The following AGO2 variants were observed in gnomAD, a reference collection of about 807,000 sequenced individuals.
AGO2 encodes argonaute RISC catalytic component 2, also known as protein argonaute-2.
Under a neutral mutation model 102.3 loss-of-function variants are expected in AGO2, and 5 were observed. The ratio of observed to expected loss-of-function variants is 0.05; its 90% CI spans 0.03 to 0.10. The LOEUF (loss-of-function observed/expected upper bound fraction) is 0.10. AGO2 is among the 10% of genes least tolerant of loss of function. AGO2 has a pLI of 1.00. For missense variants in AGO2, 541 were observed against 1,183.7 expected (o/e 0.46, Z 7.97); for synonymous variants, 449 against 473.1 (o/e 0.95, Z 0.66).
chr8:140,558,326 G>A (rs529638125), intron 7 of AGO2, among the ~76,000 whole-genome samples, 159 bp downstream of exon 7: 4 of 152,350 alleles, frequency 2.6e-5, no homozygotes, highest in Admixed American at 6.5e-5. Context: ...GGTGAAGTCT[G>A]GAATCTACTG....
intron 2 of AGO2, among the ~76,000 whole-genome samples, chr8:140,580,343 G>A (rs1004972565): frequency 6.6e-6 from 1 of 152,248 alleles, no homozygotes; most frequent in Non-Finnish European, 1.5e-5. Flanking sequence ...TCATGGCCTT[G>A]GATAAAGCCT....
At chr8:140,578,561 C>G (rs11997913) in intron 2 of AGO2, among the ~76,000 whole-genome samples, 43,103 of 152,224 alleles carry the variant, frequency 0.28, 6,422 homozygotes, top group Non-Finnish European at 0.33. Context: ...CCTGCTTCTG[C>G]AGAGCCAGCT....
chr8:140,626,396 G>A (rs1322580760), intron 1 of AGO2: 1 of 152,198 alleles, frequency 6.6e-6, no homozygotes, highest in Non-Finnish European at 1.5e-5. Context: ...GGATCAAAGG[G>A]AGGAGGAACG....
chr8:140,593,566 A>C (rs1224860979), intron 1 of AGO2, among the ~76,000 whole-genome samples: 2 of 152,108 alleles, frequency 1.3e-5, no homozygotes, highest in South Asian at 2.1e-4. Flanking sequence ...AAAAAAAAAA[A>C]AAAAACTTTG....
chr8:140,600,134 C>T (rs916797996), intron 1 of AGO2, among the ~76,000 whole-genome samples: 20 of 152,242 alleles, frequency 1.3e-4, no homozygotes, highest in African/African-American at 4.3e-4. Flanking sequence ...AAGAATCCAG[C>T]CAGCTTGCTG....
intron 6 of AGO2, among the ~76,000 whole-genome samples, chr8:140,558,984 C>A (rs555421714): frequency 5.0e-4 from 76 of 152,030 alleles, no homozygotes; most frequent in Non-Finnish European, 8.1e-4. Flanking sequence ...AGTCCTAGAC[C>A]CCCCCCAATC....
chr8:140,580,640 G>T (rs1230182252), intron 2 of AGO2, among the ~76,000 whole-genome samples: 4 of 152,222 alleles, frequency 2.6e-5, no homozygotes, highest in Non-Finnish European at 5.9e-5. Flanking sequence ...TGCACCCCCA[G>T]GGCACTGCAA....
intron 1 of AGO2, among the ~76,000 whole-genome samples, chr8:140,610,415 C>T (rs2074060638): frequency 6.6e-6 from 1 of 152,114 alleles, no homozygotes; most frequent in South Asian, 2.1e-4. Context: ...GATGGGGTTT[C>T]ACCATGTTGA....
intron 1 of AGO2, among the ~76,000 whole-genome samples, chr8:140,624,936 G>A (rs775543395): frequency 2.0e-5 from 3 of 152,156 alleles, no homozygotes; most frequent in African/African-American, 7.2e-5. Flanking sequence ...CCCCCATCCC[G>A]CTCCTTCCAA....
intron 4 of AGO2, among the ~76,000 whole-genome samples, chr8:140,562,188 T>TGC (rs1330403507): frequency 1.3e-5 from 2 of 152,226 alleles, no homozygotes; most frequent in Non-Finnish European, 2.9e-5. Flanking sequence ...TGCAGAGGGC[T>TGC]GCGCGGAACA....
At chr8:140,619,252 A>G (rs979656691) in intron 1 of AGO2, among the ~76,000 whole-genome samples, 1 of 152,214 alleles carries the variant, frequency 6.6e-6, no homozygotes, top group Non-Finnish European at 1.5e-5. Flanking sequence ...GAGCAAGTCT[A>G]ATATTCACGG....
Position 140,540,846 on chromosome 8 carries a change from C to T in AGO2, c.2034+318G>A, listed in dbSNP as rs1312685289. ...CCACAGCCTGCAAGGCAAAGCCAGG[C>T]CCTCGGGAAGCCCCCAGATGGAGCT... is the stretch of plus-strand genomic sequence containing the variant. On this transcript the variant is annotated intron_variant, in intron 15 of 18. Transcript: ENST00000220592. This position sits in a 1 kb window ranked among gnomAD's most constrained non-coding sequence, Gnocchi z 5.0. Among the ~76,000 whole-genome samples the T allele has an allele frequency of 6.6e-6, 1 of 152,200 alleles. No individual in the cohort carries two copies. Among genetic ancestry groups the T allele is most frequent in the Non-Finnish European group, 1.5e-5 (1 of 68,040 alleles).
In AGO2 at chr8:140,563,516, G is replaced by A. The variant is rs145899680; in HGVS notation, c.337-882C>T. On this transcript the variant is annotated intron_variant, in intron 3 of 18. Coordinates refer to ENST00000220592, the MANE Select transcript of AGO2 (RefSeq NM_012154.5). ...CTCTCAAAGTGCTAGGAGTACAAGC[G>A]TGAGCCATTGTGCCTGGCCGACTCA... Among the ~76,000 whole-genome samples, 1,052 of 152,296 alleles carry A rather than the reference G, an allele frequency of 6.9e-3. 11 individuals carry two copies. Among genetic ancestry groups the A allele is most frequent in the Middle Eastern group, 0.061 (18 of 294 alleles).
chr8:140,581,621 G>A (rs187140222), intron 2 of AGO2, among the ~76,000 whole-genome samples: 2 of 152,240 alleles, frequency 1.3e-5, no homozygotes, highest in Admixed American at 6.5e-5. Context: ...CCAGGGAAAC[G>A]CAAAAACAAA....
intron 10 of AGO2, among the ~76,000 whole-genome samples, chr8:140,554,303 A>G (rs1463755945): frequency 6.6e-6 from 1 of 152,114 alleles, no homozygotes; most frequent in Non-Finnish European, 1.5e-5. Flanking sequence ...CGAGCCAAGG[A>G]GGGGCTGAAG....
intron 12 of AGO2, 48 bp downstream of exon 12, chr8:140,549,066 C>T (rs761421520): frequency 2.5e-5 from 38 of 1,547,190 alleles, no homozygotes; most frequent in Non-Finnish European, 3.0e-5. Context: ...CAAACACCCA[C>T]GGAGACCACG....
intron 1 of AGO2, among the ~76,000 whole-genome samples, chr8:140,624,505 G>A (rs1287113433): frequency 1.3e-5 from 2 of 152,250 alleles, no homozygotes; most frequent in Admixed American, 1.3e-4. Flanking sequence ...ACTCGGAACA[G>A]AGGGCACGCC....
intron 2 of AGO2, among the ~76,000 whole-genome samples, chr8:140,580,880 C>T (rs2073546693): frequency 6.6e-6 from 1 of 152,270 alleles, no homozygotes; most frequent in Non-Finnish European, 1.5e-5. Context: ...GTGCATGCAG[C>T]TCTTGCCCTG....
At chr8:140,608,396 C>T (rs747983571) in intron 1 of AGO2, among the ~76,000 whole-genome samples, 8 of 152,254 alleles carry the variant, frequency 5.3e-5, no homozygotes, top group Non-Finnish European at 1.2e-4. Flanking sequence ...TCAGCCACGT[C>T]ACCCTCTACT....
Sources: gnomAD v4.1 joint callset for allele counts (sites outside exome capture counted in the v4.1 genomes callset) on GRCh38, gnomAD v4.1.1 for gene constraint, Gnocchi (gnomAD v3.1) non-coding constraint, MANE v1.5 for transcripts, NCBI Gene and HGNC (gene_info 2026-07-23, HGNC 2026-07-21) for gene names.